The following CAV3 variants were observed in gnomAD, a reference collection of about 807,000 sequenced individuals.
CAV3 encodes the protein caveolin-3.
CAV3 carries 10 observed loss-of-function variants against 13.4 expected under a neutral mutation model. That is an observed-to-expected ratio of 0.75 (90% CI 0.46 to 1.27). The LOEUF is 1.27. Among genes scored for constraint, CAV3 ranks in the 50% most tolerant of loss-of-function variants. The pLI is 0.00. For missense variants in CAV3, 162 were observed against 194.0 expected (o/e 0.83, Z 0.98); for synonymous variants, 90 against 79.0 (o/e 1.14, Z -0.74).
chr3:8,736,004 T>A (rs552007679), intron 1 of CAV3, among the ~76,000 whole-genome samples: 3 of 152,364 alleles, frequency 2.0e-5, no homozygotes, highest in African/African-American at 7.2e-5. Flanking sequence ...GTATACAGTA[T>A]AGCACAGTGT....
intron 1 of CAV3, among the ~76,000 whole-genome samples, chr3:8,744,266 A>G (rs1383706803): frequency 1.3e-5 from 2 of 148,278 alleles, no homozygotes; most frequent in African/African-American, 5.1e-5. Context: ...TGTTTAATTG[A>G]CCAGTGGAAT....
Position 8,745,636 on chromosome 3 carries a change from G to A in CAV3, c.225G>A (p.Leu75=). The A allele has an allele frequency of 5.6e-6, 9 of 1,614,144 alleles. No homozygotes were observed. Among genetic ancestry groups the A allele is most frequent in the Non-Finnish European group, 7.6e-6 (9 of 1,180,006 alleles). ...FTVSKYWCYR[L]LSTLLGVPLA... is the part of the protein sequence containing the mutation. ...TCTCCAAGTACTGGTGCTACCGTCT[G>A]TTGTCCACGCTGCTGGGCGTCCCAC... Residue 75 remains leucine (L), a synonymous_variant, in exon 2 of 2, where the codon CTG becomes CTA. Transcript: ENST00000343849. This position sits in a 1 kb window ranked among gnomAD's most constrained non-coding sequence, Gnocchi z 4.8.
chr3:8,744,130 T>C (rs909840939), intron 1 of CAV3, among the ~76,000 whole-genome samples: 6 of 152,100 alleles, frequency 3.9e-5, no homozygotes, highest in African/African-American at 1.4e-4. Flanking sequence ...GGAGCACTGC[T>C]AGAAAGAAAA....
chr3:8,739,459 C>CT (rs1187644239), intron 1 of CAV3, among the ~76,000 whole-genome samples: 1 of 144,072 alleles, frequency 6.9e-6, no homozygotes, highest in Non-Finnish European at 1.5e-5. Context: ...ACTAAAAATA[C>CT]AAAAAAAAAA....
intron 1 of CAV3, among the ~76,000 whole-genome samples, chr3:8,743,055 GT>G (rs1237109563): frequency 6.6e-6 from 1 of 151,910 alleles, no homozygotes; most frequent in Non-Finnish European, 1.5e-5. Context: ...GAGCTGCCGG[GT>G]TCTTTTAAAC....
Position 8,737,462 on chromosome 3 carries a change from G to T in CAV3, c.114+3472G>T, listed in dbSNP as rs12495885. The stretch of plus-strand genomic sequence containing the variant: ...ACATCCATGGATTTGACCCCCAGTA[G>T]AGGGGAGGCACCCCTTTTTGGCCCT... On this transcript the variant is annotated intron_variant, in intron 1 of 1. Coordinates refer to ENST00000343849, the MANE Select transcript of CAV3 (RefSeq NM_033337.3). Among the ~76,000 whole-genome samples the T allele has an allele frequency of 4.9e-3, 740 of 152,246 alleles. 3 individuals carry two copies. The highest frequency in any genetic ancestry group is 0.01 in the Middle Eastern group (3 of 294).
intron 1 of CAV3, among the ~76,000 whole-genome samples, chr3:8,737,407 C>T (rs576319712): frequency 6.6e-6 from 1 of 152,242 alleles, no homozygotes; most frequent in Admixed American, 6.5e-5. Flanking sequence ...TTAAAAAAGC[C>T]AAGGATGAAG....
Position 8,740,256 on chromosome 3 carries a change from T to C in CAV3, c.115-5270T>C, listed in dbSNP as rs777396358. Among the ~76,000 whole-genome samples, 14 of 152,046 alleles carry C rather than the reference T, an allele frequency of 9.2e-5. No individual in the cohort carries two copies. The East Asian group carries it at 1.2e-3, about 13-fold the overall frequency. On this transcript the variant is annotated intron_variant, in intron 1 of 1. Coordinates refer to ENST00000343849, the MANE Select transcript of CAV3 (RefSeq NM_033337.3). ...ATCCTTTCTGCCACATTCTTGTGGTTAAAGTGAGTCACAGGGCAAGCCCAG... is the reference window on the plus strand; with the variant it reads ...ATCCTTTCTGCCACATTCTTGTGGTCAAAGTGAGTCACAGGGCAAGCCCAG...
At chr3:8,742,141 C>A (rs1015849175) in intron 1 of CAV3, among the ~76,000 whole-genome samples, 11 of 152,216 alleles carry the variant, frequency 7.2e-5, no homozygotes, top group Non-Finnish European at 1.3e-4. Context: ...CTGAGCCGGG[C>A]CTTATAAATA....
Position 8,745,646 on chromosome 3 carries a change from C to A in CAV3, c.235C>A (p.Leu79Met). The A allele has an allele frequency of 6.2e-7, 1 of 1,614,148 alleles. No homozygotes were observed. The highest frequency in any genetic ancestry group is 8.5e-7 in the Non-Finnish European group (1 of 1,180,002). The change falls in exon 2 of 2, where the codon CTG becomes ATG. Residue 79 changes from leucine (L) to methionine (M), a missense_variant. Physicochemically the swap from Leu to Met is conservative, Grantham distance 15 (BLOSUM62 2). Transcript: ENST00000343849. The surrounding 1 kb of genome is among the most constrained non-coding windows in gnomAD (Gnocchi z 4.8). ...CTGGTGCTACCGTCTGTTGTCCACGCTGCTGGGCGTCCCACTGGCCCTGCT... is the reference window on the plus strand; with the variant it reads ...CTGGTGCTACCGTCTGTTGTCCACGATGCTGGGCGTCCCACTGGCCCTGCT... Reference protein sequence around the residue: ...KYWCYRLLSTLLGVPLALLWG... With the variant: ...KYWCYRLLSTMLGVPLALLWG...
At chr3:8,741,829 C>A (rs59905843) in intron 1 of CAV3, among the ~76,000 whole-genome samples, 2 of 152,190 alleles carry the variant, frequency 1.3e-5, no homozygotes, top group South Asian at 4.1e-4. Flanking sequence ...ACACCTTCCC[C>A]GCCCTCTCAG....
chr3:8,734,611 C>T (rs1274280232), intron 1 of CAV3, among the ~76,000 whole-genome samples: 2 of 152,224 alleles, frequency 1.3e-5, no homozygotes, highest in Non-Finnish European at 1.5e-5. Context: ...CTCAGGGAGT[C>T]TCTCAGCGTC....
chr3:8,742,367 A>AAAAG, intron 1 of CAV3: 1 of 346,522 alleles, frequency 2.9e-6, no homozygotes, highest in South Asian at 2.2e-5. Context: ...CACCAAAAAA[A>AAAAG]AAAAAAAGAA....
intron 1 of CAV3, among the ~76,000 whole-genome samples, chr3:8,737,903 A>G (rs1050881680): frequency 1.3e-5 from 2 of 151,882 alleles, no homozygotes; most frequent in Non-Finnish European, 2.9e-5. Flanking sequence ...ATACCTCAGC[A>G]CCTCAGAGCC....
intron 1 of CAV3, 47 bp downstream of exon 1, chr3:8,734,037 C>T (rs373376677): frequency 1.2e-5 from 13 of 1,100,424 alleles, no homozygotes; most frequent in African/African-American, 6.2e-5. Context: ...GTCAGGTTTG[C>T]GAGACGTGGG....
At chr3:8,739,792 T>G (rs1244734018) in intron 1 of CAV3, among the ~76,000 whole-genome samples, 2 of 152,154 alleles carry the variant, frequency 1.3e-5, no homozygotes, top group Non-Finnish European at 2.9e-5. Flanking sequence ...CTTAATGGCT[T>G]AAGGAAACAA....
chr3:8,738,779 C>A (rs1366554452), intron 1 of CAV3, among the ~76,000 whole-genome samples: 1 of 152,220 alleles, frequency 6.6e-6, no homozygotes, highest in Non-Finnish European at 1.5e-5. Flanking sequence ...ACCACTGCCC[C>A]TTCCAGTGTT....
At chr3:8,737,220 T>A (rs1241515581) in intron 1 of CAV3, among the ~76,000 whole-genome samples, 1 of 152,108 alleles carries the variant, frequency 6.6e-6, no homozygotes, top group Non-Finnish European at 1.5e-5. Context: ...TCACAGGTGG[T>A]AGCAGGTTTC....
chr3:8,742,877 G>C (rs528749654), intron 1 of CAV3, among the ~76,000 whole-genome samples: 217 of 152,312 alleles, frequency 1.4e-3, no homozygotes, highest in African/African-American at 5.0e-3. Flanking sequence ...GAATACCTGA[G>C]ACTGGGTAAT....
Sources: allele counts gnomAD v4.1 joint callset (sites outside exome capture counted in the v4.1 genomes callset), GRCh38; gene constraint gnomAD v4.1.1; non-coding constraint Gnocchi (gnomAD v3.1); transcripts MANE v1.5; gene names NCBI Gene and HGNC (gene_info 2026-07-23, HGNC 2026-07-21).